Variants in NAA50 observed in about 807,000 individuals in gnomAD.
NAA50 encodes N-alpha-acetyltransferase 50, NatE catalytic subunit.
Under a neutral mutation model 20.7 loss-of-function variants are expected in NAA50, and 7 were observed. The observed-to-expected ratio is 0.34, with a 90% CI of 0.19 to 0.63. NAA50 has a LOEUF of 0.63. NAA50 is among the 30% of genes least tolerant of loss of function. The probability of loss-of-function intolerance (pLI) is 0.75; values close to 1 mark genes in which losing one functional copy is unlikely to be tolerated. For missense variants in NAA50, 111 were observed against 199.1 expected (o/e 0.56, Z 2.66); for synonymous variants, 54 against 70.6 (o/e 0.77, Z 1.18).
chr3:113,737,306 A>G (rs1708356803), intron 1 of NAA50, among the ~76,000 whole-genome samples: 1 of 152,200 alleles, frequency 6.6e-6, no homozygotes, highest in Non-Finnish European at 1.5e-5. Flanking sequence ...GTTAGAAGGG[A>G]GGTAATTTTT....
intron 1 of NAA50, among the ~76,000 whole-genome samples, chr3:113,738,289 C>T (rs1277678629): frequency 1.3e-5 from 2 of 152,034 alleles, no homozygotes; most frequent in African/African-American, 4.8e-5. Flanking sequence ...TCACTGCCAT[C>T]TAAATGTTAA....
chr3:113,744,162 T>C (rs1708458230), intron 1 of NAA50, among the ~76,000 whole-genome samples: 1 of 152,068 alleles, frequency 6.6e-6, no homozygotes, highest in African/African-American at 2.4e-5. Flanking sequence ...AGCAACCATG[T>C]TCAAGAAGTG....
Sources: gnomAD v4.1 joint callset for allele counts (sites outside exome capture counted in the v4.1 genomes callset) on GRCh38, gnomAD v4.1.1 for gene constraint, MANE v1.5 for transcripts, NCBI Gene and HGNC (gene_info 2026-07-23, HGNC 2026-07-21) for gene names.